The following JAKMIP1 variants were observed in gnomAD, a reference collection of about 807,000 sequenced individuals.
The protein encoded by JAKMIP1 is janus kinase and microtubule-interacting protein 1.
A neutral mutation model predicts 113.0 loss-of-function variants in JAKMIP1; 33 were observed. The observed-to-expected ratio is 0.29, with a 90% confidence interval of 0.22 to 0.39. JAKMIP1 has a LOEUF of 0.39. Among genes scored for constraint, JAKMIP1 ranks in the 10% least tolerant of loss-of-function variants. JAKMIP1 has a pLI of 1.00. For missense variants in JAKMIP1, 813 were observed against 1,080.5 expected, an observed-to-expected ratio of 0.75 and a Z score of 3.47; for synonymous variants, 480 against 459.9, an observed-to-expected ratio of 1.04 and a Z score of -0.56.
rs770818430 is a variant in JAKMIP1, at chr4:6,158,665, G to A, written c.-148+41588C>T. On this transcript the variant is annotated intron_variant, in intron 1 of 20. Transcript: ENST00000409021. This position sits in a 1 kb window ranked among gnomAD's most constrained non-coding sequence, Gnocchi z 5.3. The stretch of plus-strand genomic sequence containing the variant: ...AGTAGTCATCATTTCCACAAAGGAA[G>A]TCCATCTTTTTAGGTTAGGAAAGAA... 2.6e-5 allele frequency among the ~76,000 whole-genome samples: 4 copies of A among 151,192 alleles called. No homozygotes were observed. Among genetic ancestry groups the A allele is most frequent in the Non-Finnish European group, 4.4e-5 (3 of 67,960 alleles).
intron 1 of JAKMIP1, among the ~76,000 whole-genome samples, chr4:6,165,462 A>G (rs1723510611): frequency 6.6e-6 from 1 of 152,146 alleles, no homozygotes; most frequent in Non-Finnish European, 1.5e-5. Context: ...ACACCACCAC[A>G]CCTGGCTAAT....
At chr4:6,164,582 T>C (rs894123096) in intron 1 of JAKMIP1, among the ~76,000 whole-genome samples, 1 of 152,220 alleles carries the variant, frequency 6.6e-6, no homozygotes, top group Non-Finnish European at 1.5e-5. Flanking sequence ...TAGATAGTGA[T>C]TCCTCTGATG....
At chr4:6,052,607 C>T (rs533243399) in intron 13 of JAKMIP1, among the ~76,000 whole-genome samples, 2 of 147,334 alleles carry the variant, frequency 1.4e-5, no homozygotes, top group African/African-American at 5.1e-5. Flanking sequence ...GAGTGCACCA[C>T]GCCACTGTCC....
intron 20 of JAKMIP1, among the ~76,000 whole-genome samples, chr4:6,028,981 G>T (rs989362742): frequency 6.6e-6 from 1 of 152,228 alleles, no homozygotes; most frequent in Non-Finnish European, 1.5e-5. Context: ...TGTCCTCAAG[G>T]ACTCACAGCC....
intron 1 of JAKMIP1, among the ~76,000 whole-genome samples, chr4:6,131,334 G>A: frequency 7.5e-6 from 1 of 134,166 alleles, no homozygotes; most frequent in African/African-American, 2.9e-5. Flanking sequence ...ACAGATCCAG[G>A]AAGCTCAGAA....
At chr4:6,111,707 G>A (rs533969028) in intron 2 of JAKMIP1, among the ~76,000 whole-genome samples, 3 of 152,286 alleles carry the variant, frequency 2.0e-5, no homozygotes, top group Admixed American at 6.5e-5. Flanking sequence ...GTGACAGCCC[G>A]TGCTTTAATT....
Position 6,156,665 on chromosome 4 carries a change from G to A in JAKMIP1, c.-148+43588C>T, listed in dbSNP as rs1455209878. Among the ~76,000 whole-genome samples the A allele has an allele frequency of 1.3e-5, 2 of 152,230 alleles. No individual in the cohort carries two copies. The highest frequency in any genetic ancestry group is 4.8e-5 in the African/African-American group (2 of 41,456). The stretch of plus-strand genomic sequence containing the variant: ...GTCTTCACCCAGGAAATGTCTGACA[G>A]CATCCGCTGAGATGTGGGAGCTAAA... On this transcript the variant is annotated intron_variant, in intron 1 of 20. Coordinates refer to ENST00000409021, the MANE Select transcript of JAKMIP1 (RefSeq NM_001099433.2). This position sits in a 1 kb window ranked among gnomAD's most constrained non-coding sequence, Gnocchi z 5.0.
rs1216750438 is a variant in JAKMIP1, at chr4:6,086,241, C to T, written c.625-612G>A. On this transcript the variant is annotated intron_variant, in intron 3 of 20. Transcript: ENST00000409021. The surrounding 1 kb of genome is among the most constrained non-coding windows in gnomAD (Gnocchi z 4.1). ...CTTTATAGACTGTCTTGCTCTGGCT[C>T]TCATTGAAGCCTGGAGTTTCCAAGG... Among the ~76,000 whole-genome samples the T allele has an allele frequency of 6.6e-6, 1 of 152,186 alleles. No individual in the cohort carries two copies. Among genetic ancestry groups the T allele is most frequent in the Non-Finnish European group, 1.5e-5 (1 of 68,034 alleles).
chr4:6,082,990 A>G (rs1307100488), intron 5 of JAKMIP1, among the ~76,000 whole-genome samples: 2 of 152,208 alleles, frequency 1.3e-5, no homozygotes, highest in African/African-American at 4.8e-5. Context: ...ACAGCAGGGA[A>G]AAAAATCCCA....
Position 6,168,510 on chromosome 4 carries a change from G to A in JAKMIP1, c.-148+31743C>T, listed in dbSNP as rs567561837. ...CACCTGCTACGACATGAATGAACCT[G>A]GAAAACATTCCACTAAATGAAGAAA... is the stretch of plus-strand genomic sequence containing the variant. On this transcript the variant is annotated intron_variant, in intron 1 of 20. Transcript: ENST00000409021. This position sits in a 1 kb window ranked among gnomAD's most constrained non-coding sequence, Gnocchi z 4.6. Among the ~76,000 whole-genome samples, 2 of 152,206 alleles carry A rather than the reference G, an allele frequency of 1.3e-5. No homozygotes were observed. The highest frequency in any genetic ancestry group is 4.2e-4 in the South Asian group (2 of 4,812).
At position 6,142,855 on chromosome 4, in the gene JAKMIP1, C is replaced by T. The variant is rs975067628; in HGVS notation, c.-147-29858G>A. 6.6e-6 allele frequency among the ~76,000 whole-genome samples: 1 copy of T among 152,140 alleles called. No individual in the cohort carries two copies. Among genetic ancestry groups the T allele is most frequent in the Non-Finnish European group, 1.5e-5 (1 of 68,034 alleles). On this transcript the variant is annotated intron_variant, in intron 1 of 20. Coordinates refer to ENST00000409021, the MANE Select transcript of JAKMIP1 (RefSeq NM_001099433.2). The surrounding 1 kb of genome is among the most constrained non-coding windows in gnomAD (Gnocchi z 5.5). ...ACTTCATTGCTTACAGGTGAGGAAA[C>T]GGAGGATGGAAAGGTTTAAGGGACA... is the stretch of plus-strand genomic sequence containing the variant.
chr4:6,134,898 A>T (rs758057873), intron 1 of JAKMIP1, among the ~76,000 whole-genome samples: 7 of 151,872 alleles, frequency 4.6e-5, no homozygotes, highest in Non-Finnish European at 8.8e-5. Flanking sequence ...ACAGCCCAAA[A>T]CACGCAGTGT....
At chr4:6,104,308 A>G (rs1256861489) in intron 3 of JAKMIP1, among the ~76,000 whole-genome samples, 1 of 152,210 alleles carries the variant, frequency 6.6e-6, no homozygotes, top group Non-Finnish European at 1.5e-5. Flanking sequence ...CCCCAACCGT[A>G]ACTGTGGATT....
At position 6,176,452 on chromosome 4, in the gene JAKMIP1, A is replaced by G. The variant is rs1007377311; in HGVS notation, c.-148+23801T>C. Among the ~76,000 whole-genome samples, 2 of 152,226 alleles carry G rather than the reference A, an allele frequency of 1.3e-5. No individual in the cohort carries two copies. Among genetic ancestry groups the G allele is most frequent in the African/African-American group, 2.4e-5 (1 of 41,458 alleles). ...GACCAAGGAAGGATTTCCGATGTTC[A>G]GCTGTATTGTACATTTTAATCTATT... On this transcript the variant is annotated intron_variant, in intron 1 of 20. Coordinates refer to ENST00000409021, the MANE Select transcript of JAKMIP1 (RefSeq NM_001099433.2). This position sits in a 1 kb window ranked among gnomAD's most constrained non-coding sequence, Gnocchi z 5.5.
intron 1 of JAKMIP1, among the ~76,000 whole-genome samples, chr4:6,174,454 G>C (rs6829512): frequency 6.6e-6 from 1 of 152,166 alleles, no homozygotes; most frequent in Non-Finnish European, 1.5e-5. Context: ...CCTGGTCTTC[G>C]GCTCCGTGTT....
At chr4:6,198,001 ACT>A (rs1160756026) in intron 1 of JAKMIP1, among the ~76,000 whole-genome samples, 2 of 151,816 alleles carry the variant, frequency 1.3e-5, no homozygotes, top group Non-Finnish European at 1.5e-5. Context: ...CCTGCACATG[ACT>A]CTCTGACAGC....
intron 3 of JAKMIP1, among the ~76,000 whole-genome samples, chr4:6,098,027 T>A (rs1014392176): frequency 6.6e-6 from 1 of 152,188 alleles, no homozygotes; most frequent in Non-Finnish European, 1.5e-5. Flanking sequence ...AGTGTCGAGT[T>A]TGGAGTTCGA....
chr4:6,171,174 T>C (rs1241648623), intron 1 of JAKMIP1, among the ~76,000 whole-genome samples: 1 of 126,718 alleles, frequency 7.9e-6, no homozygotes, highest in Non-Finnish European at 1.7e-5. Context: ...TCCATCACCA[T>C]TACCACCACC....
In JAKMIP1 at chr4:6,069,537, C is replaced by G. The variant is rs983097100; in HGVS notation, c.1303-4529G>C. ...GCTGAGGCAGAAAGATCGCTTGAGC[C>G]CAGGAGTTCAAGATCAACCTGGGCC... On this transcript the variant is annotated intron_variant, in intron 8 of 20. Transcript: ENST00000409021. The surrounding 1 kb of genome is among the most constrained non-coding windows in gnomAD (Gnocchi z 4.5). 6.6e-6 allele frequency among the ~76,000 whole-genome samples: 1 copy of G among 152,052 alleles called. No individual in the cohort carries two copies. Among genetic ancestry groups the G allele is most frequent in the Non-Finnish European group, 1.5e-5 (1 of 68,020 alleles).
Sources: gnomAD v4.1 joint callset for allele counts (sites outside exome capture counted in the v4.1 genomes callset) on GRCh38, gnomAD v4.1.1 for gene constraint, Gnocchi (gnomAD v3.1) non-coding constraint, MANE v1.5 for transcripts, NCBI Gene and HGNC (gene_info 2026-07-23, HGNC 2026-07-21) for gene names.